The following SLX9 variants were observed in gnomAD, a reference collection of about 807,000 sequenced individuals.
SLX9 encodes SLX9 ribosome biogenesis factor, also known as ribosome biogenesis protein SLX9 homolog.
A neutral mutation model predicts 20.8 loss-of-function variants in SLX9; 19 were observed. That is an observed-to-expected ratio of 0.91 (90% CI 0.64 to 1.34). The LOEUF (loss-of-function observed/expected upper bound fraction) is 1.34. Ranked by LOEUF, SLX9 falls within the 40% of genes most tolerant of loss-of-function variation. The pLI is 0.00. For synonymous variants in SLX9, 113 were observed against 137.1 expected (o/e 0.82, Z 1.23); for missense variants, 299 against 322.2 (o/e 0.93, Z 0.55).
Position 44,959,621 on chromosome 21 carries a change from C to T in SLX9, c.284-479C>T, listed in dbSNP as rs142651791. 3.1e-3 allele frequency among the ~76,000 whole-genome samples: 469 copies of T among 152,332 alleles called. 8 individuals are homozygous for T. The highest frequency in any genetic ancestry group is 0.01 in the African/African-American group (427 of 41,578). ...GTCCAGGGATGAAGCCTCTGGTCAC[C>T]GAGCACATTGTCGGGCCTGGCAGGG... is the stretch of plus-strand genomic sequence containing the variant. On this transcript the variant is annotated intron_variant, in intron 2 of 5. Transcript: ENST00000291634.
chr21:44,943,716 C>T lies in SLX9; in HGVS notation c.162C>T (p.Ala54=), dbSNP rs1178957597. 1.2e-6 allele frequency: 2 copies of T among 1,614,146 alleles called. No individual in the cohort carries two copies. Among genetic ancestry groups the T allele is most frequent in the Admixed American group, 3.3e-5 (2 of 60,024 alleles). ...DWAFINTNIF[A]RTKIDPSALV... ...CGTTCATCAACACCAACATCTTTGC[C>T]AGGACCAAGATAGACCCCAGCGCCT... The change falls in exon 2 of 6, where the codon GCC becomes GCT. Residue 54 remains alanine, a synonymous_variant. Transcript: ENST00000291634.
At chr21:44,959,662 C>T (rs371958324) in intron 2 of SLX9, among the ~76,000 whole-genome samples, 46 of 152,340 alleles carry the variant, frequency 3.0e-4, no homozygotes, top group Admixed American at 2.0e-3. Context: ...GGAGCACGTA[C>T]GTCGCTGGGC....
At chr21:44,965,753 G>C (rs966246674) in intron 3 of SLX9, among the ~76,000 whole-genome samples, 2 of 152,142 alleles carry the variant, frequency 1.3e-5, no homozygotes, top group Non-Finnish European at 1.5e-5. Flanking sequence ...TGAGGTGCGG[G>C]CCTTTGTGTC....
intron 1 of SLX9, among the ~76,000 whole-genome samples, chr21:44,941,262 C>T (rs545983998): frequency 6.6e-6 from 1 of 152,188 alleles, no homozygotes; most frequent in South Asian, 2.1e-4. Context: ...CTGGCTCATG[C>T]TGGCAGGTAG....
intron 2 of SLX9, among the ~76,000 whole-genome samples, chr21:44,951,282 A>G (rs56283815): frequency 0.077 from 11,713 of 152,120 alleles, 1,494 homozygotes; most frequent in African/African-American, 0.26. Context: ...CATCCAAGGG[A>G]CCAACATCTT....
intron 2 of SLX9, among the ~76,000 whole-genome samples, chr21:44,957,708 A>G (rs369829027): frequency 6.6e-6 from 1 of 151,826 alleles, no homozygotes; most frequent in East Asian, 1.9e-4. Flanking sequence ...CCCCACAGGG[A>G]GGCCTGGGCT....
At chr21:44,952,100 G>A (rs866434803) in intron 2 of SLX9, among the ~76,000 whole-genome samples, 1 of 134,796 alleles carries the variant, frequency 7.4e-6, no homozygotes, top group Admixed American at 6.9e-5. Context: ...ACACACAGCA[G>A]CAGCAGAACA....
intron 3 of SLX9, among the ~76,000 whole-genome samples, chr21:44,966,431 A>G (rs531808812): frequency 6.6e-6 from 1 of 152,322 alleles, no homozygotes; most frequent in East Asian, 1.9e-4. Flanking sequence ...ATGTCCGAGC[A>G]TGTGTTCTCT....
chr21:44,940,160 C>T lies in SLX9; in HGVS notation c.103C>T (p.Pro35Ser). The T allele has an allele frequency of 2.3e-6, 3 of 1,280,178 alleles. No homozygotes were observed. Among genetic ancestry groups the T allele is most frequent in the Non-Finnish European group, 3.0e-6 (3 of 1,009,690 alleles). 79.3% of individuals were successfully genotyped at this position (1,280,178 alleles called of 1,614,324 possible). A position where few individuals can be genotyped will look rare whatever the true frequency, so the allele number is the denominator to read the frequency against. ...GPAPPAPEAT[P>S]PPASAAGKDW... ...CGCGCCCCCTGCCCCGGAGGCGACCCCTCCGCCGGCCTCGGCCGCGGGGAA... is the reference window on the plus strand; with the variant it reads ...CGCGCCCCCTGCCCCGGAGGCGACCTCTCCGCCGGCCTCGGCCGCGGGGAA... Residue 35 changes from proline to serine, a missense_variant, in exon 1 of 6, where the codon CCT becomes TCT. Pro to Ser is a moderately conservative substitution (Grantham distance 74, BLOSUM62 -1). Coordinates refer to ENST00000291634, the MANE Select transcript of SLX9 (RefSeq NM_058190.4).
At chr21:44,973,831 G>A (rs2085209966) in intron 5 of SLX9, among the ~76,000 whole-genome samples, 1 of 152,182 alleles carries the variant, frequency 6.6e-6, no homozygotes, top group Non-Finnish European at 1.5e-5. Context: ...TGCTCCAGGG[G>A]GGCTTTTCAG....
intron 3 of SLX9, among the ~76,000 whole-genome samples, chr21:44,962,113 C>T: frequency 6.6e-6 from 1 of 152,218 alleles, no homozygotes; most frequent in East Asian, 1.9e-4. Flanking sequence ...GACATCAGTA[C>T]ACTCCACCCC....
At chr21:44,973,163 G>C (rs761195727) in intron 4 of SLX9, 34 bp from the exon 5 acceptor site, 4 of 1,612,530 alleles carry the variant, frequency 2.5e-6, no homozygotes, top group Non-Finnish European at 3.4e-6. Flanking sequence ...GGGGATGCTG[G>C]ATGCTGACTC....
intron 1 of SLX9, among the ~76,000 whole-genome samples, chr21:44,941,610 C>G (rs950612241): frequency 6.6e-5 from 10 of 152,178 alleles, no homozygotes; most frequent in Non-Finnish European, 1.3e-4. Context: ...CTGTCAGATT[C>G]AGCGTGTTCA....
At chr21:44,971,431 C>A (rs977946562) in intron 4 of SLX9, among the ~76,000 whole-genome samples, 1 of 152,062 alleles carries the variant, frequency 6.6e-6, no homozygotes, top group Non-Finnish European at 1.5e-5. Flanking sequence ...GTGTGGGACG[C>A]GTGGGTGGGG....
chr21:44,959,141 C>T (rs2084910116), intron 2 of SLX9: 1 of 907,184 alleles, frequency 1.1e-6, no homozygotes, highest in African/African-American at 1.8e-5. Flanking sequence ...TTCACACCGG[C>T]TCCTGAAGTG....
intron 4 of SLX9, among the ~76,000 whole-genome samples, chr21:44,967,391 GC>G (rs1227553774): frequency 6.6e-6 from 1 of 152,178 alleles, no homozygotes; most frequent in East Asian, 1.9e-4. Context: ...CGTTTCGGGG[GC>G]ACCCAGGCCC....
intron 4 of SLX9, 132 bp from the exon 5 acceptor site, chr21:44,973,065 G>A: frequency 1.9e-6 from 1 of 523,318 alleles, no homozygotes; most frequent in African/African-American, 5.1e-5. Context: ...TGGAACTTGT[G>A]GTTCTGCAGT....
chr21:44,948,240 C>T (rs976068848), intron 2 of SLX9, among the ~76,000 whole-genome samples: 2 of 141,356 alleles, frequency 1.4e-5, no homozygotes, highest in Admixed American at 7.1e-5. Flanking sequence ...GAGCATCGGG[C>T]GGTCCGGGGA....
At chr21:44,945,056 A>G (rs73906962) in intron 2 of SLX9, among the ~76,000 whole-genome samples, 3,726 of 152,296 alleles carry the variant, frequency 0.024, 165 homozygotes, top group African/African-American at 0.086. Context: ...GCAGCTGCCC[A>G]GAGGTGGGCC....
Sources: allele counts gnomAD v4.1 joint callset (sites outside exome capture counted in the v4.1 genomes callset), GRCh38; gene constraint gnomAD v4.1.1; transcripts MANE v1.5; gene names NCBI Gene and HGNC (gene_info 2026-07-23, HGNC 2026-07-21).